Variants in SEPTIN3 observed in about 807,000 individuals in gnomAD.
SEPTIN3 encodes the protein neuronal-specific septin-3.
Under a neutral mutation model 45.1 loss-of-function variants are expected in SEPTIN3, and 15 were observed. That is an observed-to-expected ratio of 0.33 (90% CI 0.22 to 0.51). SEPTIN3 has a LOEUF of 0.51. SEPTIN3 is among the 20% of genes least tolerant of loss of function. The pLI, the probability that SEPTIN3 is intolerant of heterozygous loss-of-function variation, is 0.97. For missense variants in SEPTIN3, 289 were observed against 457.2 expected, an observed-to-expected ratio of 0.63 and a Z score of 3.35; for synonymous variants, 148 against 164.8, an observed-to-expected ratio of 0.90 and a Z score of 0.78.
chr22:41,973,945 C>CA (rs1363602786), intron 2 of SEPTIN3, among the ~76,000 whole-genome samples: 2 of 151,902 alleles, frequency 1.3e-5, no homozygotes, highest in African/African-American at 4.8e-5. Flanking sequence ...CGTGCCACTG[C>CA]ACTCCAGCCT....
intron 2 of SEPTIN3, 122 bp downstream of exon 2, chr22:41,973,118 G>C: frequency 2.5e-6 from 1 of 397,352 alleles, no homozygotes; most frequent in Non-Finnish European, 4.4e-6. Flanking sequence ...GGTCAGGGTT[G>C]AATGGGTTGG....
At chr22:41,987,836 A>G (rs2078235445) in intron 6 of SEPTIN3, 77 bp downstream of exon 6, 1 of 1,500,830 alleles carries the variant, frequency 6.7e-7, no homozygotes, top group Non-Finnish European at 9.1e-7. Context: ...TGGATGATCC[A>G]TACGTTGACT....
At position 41,997,014 on chromosome 22, in the gene SEPTIN3, T is replaced by C. The variant is rs756147638; in HGVS notation, c.*47T>C. 3.7e-6 allele frequency: 6 copies of C among 1,613,306 alleles called. No homozygotes were observed. Among genetic ancestry groups the C allele is most frequent in the East Asian group, 2.2e-5 (1 of 44,888 alleles). On this transcript the variant is annotated 3_prime_UTR_variant, in exon 12 of 12. Transcript: ENST00000644076. ...CTCACTCCATTCCTCTCAGCTGTTA[T>C]TGCTGCAGGGCCAAGCCCTTTTTAG...
intron 6 of SEPTIN3, 135 bp downstream of exon 6, chr22:41,987,894 T>G (rs1295938487): frequency 1.2e-6 from 1 of 842,996 alleles, no homozygotes; most frequent in Non-Finnish European, 1.8e-6. Context: ...CCAGATGGGT[T>G]GGTACATAGT....
chr22:41,996,207 C>T (rs2078434603), intron 11 of SEPTIN3: 1 of 985,162 alleles, frequency 1.0e-6, no homozygotes, highest in African/African-American at 1.7e-5. Context: ...TTGCCTTTCC[C>T]TGAAGCCCTG....
At chr22:41,996,224 T>C (rs1013193402) in intron 11 of SEPTIN3, 2 of 984,940 alleles carry the variant, frequency 2.0e-6, no homozygotes, top group Admixed American at 6.1e-5. Flanking sequence ...CCTGTATTTA[T>C]TAATGCATAT....
In SEPTIN3 at chr22:41,981,680, G is replaced by A. The variant is rs2078123272; in HGVS notation, c.1540G>A (p.Glu514Lys). ...GACCAGGACGGACGCAGCCATGTCAGAGCTGGTGCCTGAGCCCAGGCCTAA... is the reference window on the plus strand; with the variant it reads ...GACCAGGACGGACGCAGCCATGTCAAAGCTGGTGCCTGAGCCCAGGCCTAA... ...PETRTDAAMSELVPEPRPKPA... is the reference protein window; with the variant it reads ...PETRTDAAMSKLVPEPRPKPA... The change falls in exon 3 of 12, where the codon GAG becomes AAG. Residue 514 changes from glutamate (E) to lysine (K), a missense_variant. Transcript: ENST00000644076. The A allele has an allele frequency of 6.2e-7, 1 of 1,613,678 alleles. No homozygotes were observed. Among genetic ancestry groups the A allele is most frequent in the African/African-American group, 1.3e-5 (1 of 74,924 alleles).
chr22:41,974,596 G>C (rs1602409506), intron 2 of SEPTIN3, among the ~76,000 whole-genome samples: 1 of 150,910 alleles, frequency 6.6e-6, no homozygotes, highest in African/African-American at 2.4e-5. Flanking sequence ...CCAGGAGGCA[G>C]AGCTTGCAGT....
chr22:41,979,126 T>C (rs548489509), intron 2 of SEPTIN3, among the ~76,000 whole-genome samples: 3 of 152,240 alleles, frequency 2.0e-5, no homozygotes, highest in African/African-American at 7.2e-5. Flanking sequence ...TATGTGCTTG[T>C]TGGAGGAATG....
At position 41,994,199 on chromosome 22, in the gene SEPTIN3, G is replaced by T. The variant is rs2078379312; in HGVS notation, c.2360-91G>T. On this transcript the variant is annotated intron_variant, in intron 9 of 11. Coordinates refer to ENST00000644076, the MANE Select transcript of SEPTIN3 (RefSeq NM_001363845.2). The surrounding 1 kb of genome is among the most constrained non-coding windows in gnomAD (Gnocchi z 4.2). ...CCTGTCCCATAGCTTTCTCCTAAAT[G>T]CCTCCGTGACCCAAACAGAAGCTCA... 1.7e-6 allele frequency: 2 copies of T among 1,197,326 alleles called. No individual in the cohort carries two copies. The highest frequency in any genetic ancestry group is 2.5e-6 in the Non-Finnish European group (2 of 815,652). 74.2% of individuals were successfully genotyped at this position (1,197,326 alleles called of 1,614,324 possible).
chr22:41,973,021 A>T (rs2077974485), intron 2 of SEPTIN3, 25 bp downstream of exon 2: 1 of 398,814 alleles, frequency 2.5e-6, no homozygotes, highest in Non-Finnish European at 4.4e-6. Context: ...TTGGTTGGGG[A>T]TGGACTAGGC....
intron 11 of SEPTIN3, chr22:41,996,055 C>G (rs1204933985): frequency 7.1e-6 from 7 of 985,186 alleles, no homozygotes; most frequent in Non-Finnish European, 8.4e-6. Context: ...CATACTTGAC[C>G]TCTCTTTTCT....
chr22:41,970,320 C>T (rs2077945988), intron 1 of SEPTIN3, among the ~76,000 whole-genome samples: 1 of 152,114 alleles, frequency 6.6e-6, no homozygotes, highest in African/African-American at 2.4e-5. Context: ...TCCTCGACAC[C>T]TCTTTGTGCC....
chr22:41,970,037 T>C (rs987350440), intron 1 of SEPTIN3, among the ~76,000 whole-genome samples: 3 of 151,878 alleles, frequency 2.0e-5, no homozygotes, highest in Non-Finnish European at 4.4e-5. Context: ...GGGGGCACCA[T>C]TGTGAGGGGT....
chr22:41,994,807 C>A lies in SEPTIN3; in HGVS notation c.2505+93C>A. 6 of 1,609,574 alleles carry A rather than the reference C, an allele frequency of 3.7e-6. No homozygotes were observed. The South Asian group carries it at 5.5e-5, about 15-fold the overall frequency. On this transcript the variant is annotated intron_variant, in intron 11 of 11. Coordinates refer to ENST00000644076, the MANE Select transcript of SEPTIN3 (RefSeq NM_001363845.2). The surrounding 1 kb of genome is among the most constrained non-coding windows in gnomAD (Gnocchi z 4.2). Reference sequence around the variant, plus strand: ...ATACCCACTTCACACACACACATCCCAAATACCACCACCAACCACCTTCTT... The same window carrying A: ...ATACCCACTTCACACACACACATCCAAAATACCACCACCAACCACCTTCTT...
Position 41,994,539 on chromosome 22 carries a change from A to G in SEPTIN3, c.2412-82A>G. ...GGAGTGGTTCCCATTCACTGGGTCC[A>G]GTCCCTCGAAGTGATGTGTGTCACC... On this transcript the variant is annotated intron_variant, in intron 10 of 11. Coordinates refer to ENST00000644076, the MANE Select transcript of SEPTIN3 (RefSeq NM_001363845.2). The surrounding 1 kb of genome is among the most constrained non-coding windows in gnomAD (Gnocchi z 4.2). 1 of 1,598,508 alleles carries G rather than the reference A, an allele frequency of 6.3e-7. No homozygotes were observed. Among genetic ancestry groups the G allele is most frequent in the Non-Finnish European group, 8.5e-7 (1 of 1,171,238 alleles).
intron 2 of SEPTIN3, among the ~76,000 whole-genome samples, chr22:41,975,796 C>T (rs1219653603): frequency 6.6e-6 from 1 of 152,202 alleles, no homozygotes; most frequent in East Asian, 1.9e-4. Context: ...CATCCTTCTG[C>T]CCCTGTGAGG....
intron 9 of SEPTIN3, among the ~76,000 whole-genome samples, chr22:41,993,126 T>G (rs538185572): frequency 2.6e-5 from 4 of 152,356 alleles, no homozygotes; most frequent in Non-Finnish European, 5.9e-5. Flanking sequence ...TGAATGGATG[T>G]GACCCTGGGC....
Position 41,972,583 on chromosome 22 carries a change from T to C in SEPTIN3, c.1091T>C (p.Met364Thr). ...GAACCAGACAAGCTGGGCAAAGCCA[T>C]GGCTACAAGAAGCACAGCCAAACCA... ...ASEPDKLGKA[M>T]ATRSTAKPDM... Residue 364 changes from methionine to threonine, a missense_variant, in exon 2 of 12, where the codon ATG becomes ACG. Around this residue, in one of 3 missense-constraint regions of SEPTIN3, gnomAD observed 200 missense variants for 315.1 expected, o/e 0.63. Transcript: ENST00000644076. 2.5e-6 allele frequency: 1 copy of C among 399,114 alleles called. No homozygotes were observed. Among genetic ancestry groups the C allele is most frequent in the Non-Finnish European group, 4.4e-6 (1 of 226,130 alleles). 24.7% of individuals were successfully genotyped at this position (399,114 alleles called of 1,614,324 possible).
Sources: gnomAD v4.1 joint callset for allele counts (sites outside exome capture counted in the v4.1 genomes callset) on GRCh38, gnomAD v4.1.1 for gene constraint, gnomAD v4.1.1 regional missense constraint, Gnocchi (gnomAD v3.1) non-coding constraint, MANE v1.5 for transcripts, NCBI Gene and HGNC (gene_info 2026-07-23, HGNC 2026-07-21) for gene names.